The following PCSK5 variants were observed in gnomAD, a reference collection of about 807,000 sequenced individuals.
PCSK5 encodes the protein prohormone convertase 5.
A neutral mutation model predicts 233.2 loss-of-function variants in PCSK5; 129 were observed. The ratio of observed to expected loss-of-function variants is 0.55; its 90% CI spans 0.48 to 0.64. The LOEUF (loss-of-function observed/expected upper bound fraction) is 0.64. Among genes scored for constraint, PCSK5 ranks in the 30% least tolerant of loss-of-function variants. The pLI is 0.00. For missense variants in PCSK5, 2,076 were observed against 2,430.1 expected (o/e 0.85, Z 3.06); for synonymous variants, 825 against 879.2 (o/e 0.94, Z 1.09).
intron 3 of PCSK5, among the ~76,000 whole-genome samples, chr9:75,987,714 CAGT>C (rs1286014680): frequency 6.6e-6 from 1 of 152,114 alleles, no homozygotes; most frequent in Non-Finnish European, 1.5e-5. Context: ...TCCTTAGCCC[CAGT>C]AGCCGCAAAG....
At chr9:75,932,051 A>G (rs1823831136) in intron 1 of PCSK5, among the ~76,000 whole-genome samples, 1 of 152,170 alleles carries the variant, frequency 6.6e-6, no homozygotes, top group Admixed American at 6.5e-5. Flanking sequence ...CCTCTTTCCC[A>G]CATTTGGGTA....
In PCSK5 at chr9:76,339,508, A is replaced by G. The variant is rs1420809266; in HGVS notation, c.4966+1061A>G. On this transcript the variant is annotated intron_variant, in intron 35 of 37. Transcript: ENST00000674117. Reference sequence around the variant, plus strand: ...GTATAATGGTATATCTCTCCATTCTATGCATTTACTTACTACACTTCAATA... The same window carrying G: ...GTATAATGGTATATCTCTCCATTCTGTGCATTTACTTACTACACTTCAATA... 3.3e-5 allele frequency among the ~76,000 whole-genome samples: 5 copies of G among 152,142 alleles called. No homozygotes were observed. The South Asian group carries it at 8.3e-4, about 25-fold the overall frequency.
At chr9:76,037,509 T>C (rs1461639545) in intron 5 of PCSK5, among the ~76,000 whole-genome samples, 1 of 152,150 alleles carries the variant, frequency 6.6e-6, no homozygotes, top group African/African-American at 2.4e-5. Context: ...TTAGTCTAAT[T>C]CTCAGAGGGC....
chr9:76,150,405 G>T (rs1016009075), intron 10 of PCSK5, among the ~76,000 whole-genome samples: 1 of 152,154 alleles, frequency 6.6e-6, no homozygotes, highest in Non-Finnish European at 1.5e-5. Flanking sequence ...AGGCTGACAC[G>T]GGCGGATCAC....
intron 37 of PCSK5, among the ~76,000 whole-genome samples, chr9:76,355,440 T>G (rs1830276385): frequency 6.6e-6 from 1 of 151,734 alleles, no homozygotes. Flanking sequence ...GCCACTGCAC[T>G]CCAGCCTGGG....
At chr9:75,973,591 C>T (rs891202882) in intron 2 of PCSK5, among the ~76,000 whole-genome samples, 26 of 152,154 alleles carry the variant, frequency 1.7e-4, no homozygotes, top group Admixed American at 9.8e-4. Context: ...CCTGGATCTC[C>T]GGGAAATCTA....
intron 20 of PCSK5, among the ~76,000 whole-genome samples, chr9:76,199,521 C>G (rs552704084): frequency 1.3e-5 from 2 of 151,962 alleles, no homozygotes; most frequent in Non-Finnish European, 2.9e-5. Context: ...ATCTTCATAG[C>G]CCTGCAAAGG....
At chr9:75,913,021 G>A (rs1489161614) in intron 1 of PCSK5, among the ~76,000 whole-genome samples, 1 of 152,160 alleles carries the variant, frequency 6.6e-6, no homozygotes, top group African/African-American at 2.4e-5. Context: ...CCCTGACTCA[G>A]GTGGCTGTCA....
At chr9:76,039,005 A>G (rs1219991990) in intron 5 of PCSK5, among the ~76,000 whole-genome samples, 1 of 152,174 alleles carries the variant, frequency 6.6e-6, no homozygotes, top group Non-Finnish European at 1.5e-5. Context: ...AACAATACCA[A>G]TTTCACTGTT....
At chr9:76,313,548 C>G (rs985717513) in intron 30 of PCSK5, among the ~76,000 whole-genome samples, 5 of 152,096 alleles carry the variant, frequency 3.3e-5, no homozygotes, top group Non-Finnish European at 7.3e-5. Flanking sequence ...GGTCTTTGAG[C>G]CAAGCATGGT....
chr9:76,043,968 CAT>C (rs1325048264), intron 5 of PCSK5, among the ~76,000 whole-genome samples: 1 of 151,974 alleles, frequency 6.6e-6, no homozygotes, highest in Non-Finnish European at 1.5e-5. Context: ...CCATCACACA[CAT>C]GTACCCCTAA....
intron 13 of PCSK5, among the ~76,000 whole-genome samples, chr9:76,170,729 A>C (rs112264079): frequency 7.2e-5 from 11 of 152,320 alleles, no homozygotes; most frequent in African/African-American, 2.6e-4. Context: ...CAGATTACAG[A>C]ATAAAGTAAC....
At chr9:76,295,509 T>A in intron 26 of PCSK5, 98 bp downstream of exon 26, 1 of 1,108,718 alleles carries the variant, frequency 9.0e-7, no homozygotes. Flanking sequence ...TTTCAGAGTC[T>A]GTGCGTGTGG....
chr9:76,189,968 CAA>C (rs1382425426), intron 20 of PCSK5, among the ~76,000 whole-genome samples: 1 of 152,150 alleles, frequency 6.6e-6, no homozygotes, highest in African/African-American at 2.4e-5. Context: ...CAATATGGCT[CAA>C]GTTAATTTTT....
chr9:75,986,389 A>T (rs953875912), intron 3 of PCSK5, 144 bp downstream of exon 3: 6 of 570,848 alleles, frequency 1.1e-5, no homozygotes, highest in Non-Finnish European at 1.6e-5. Flanking sequence ...AGATTGGTTA[A>T]TGGCCTATGA....
At chr9:75,991,697 G>A (rs534846900) in intron 3 of PCSK5, among the ~76,000 whole-genome samples, 11 of 152,244 alleles carry the variant, frequency 7.2e-5, no homozygotes, top group Middle Eastern at 3.4e-3. Flanking sequence ...GAAACTCAGT[G>A]TAATAGAATT....
Position 75,962,029 on chromosome 9 carries a change from G to A in PCSK5, c.298-24103G>A, listed in dbSNP as rs552266642. ...CAGGTAGAGTACAGGGTTCCTGTGC[G>A]GGTATGGAAAATAAACAGATAAACA... On this transcript the variant is annotated intron_variant, in intron 2 of 37. Transcript: ENST00000674117. Among the ~76,000 whole-genome samples, 5 of 152,264 alleles carry A rather than the reference G, an allele frequency of 3.3e-5. No homozygotes were observed. The South Asian group carries it at 8.3e-4, about 25-fold the overall frequency.
intron 1 of PCSK5, among the ~76,000 whole-genome samples, chr9:75,907,839 G>A (rs951581012): frequency 7.2e-5 from 11 of 152,228 alleles, no homozygotes; most frequent in Non-Finnish European, 1.5e-5. Flanking sequence ...TTATGTAGAA[G>A]CAATGGAAGT....
At chr9:76,020,297 C>A (rs1246602303) in intron 3 of PCSK5, among the ~76,000 whole-genome samples, 2 of 152,192 alleles carry the variant, frequency 1.3e-5, no homozygotes, top group Non-Finnish European at 1.5e-5. Flanking sequence ...CATCTCTGGT[C>A]AGTGTTGGGT....
Sources: allele counts gnomAD v4.1 joint callset (sites outside exome capture counted in the v4.1 genomes callset), GRCh38; gene constraint gnomAD v4.1.1; transcripts MANE v1.5; gene names NCBI Gene and HGNC (gene_info 2026-07-23, HGNC 2026-07-21).